The following MALRD1 variants were observed in gnomAD, a reference collection of about 807,000 sequenced individuals.
The protein encoded by MALRD1 is MAM and LDL-receptor class A domain-containing protein 1.
In MALRD1, 247 loss-of-function variants were observed where a neutral mutation model predicts 242.1. That is an observed-to-expected ratio of 1.02 (90% confidence interval 0.92 to 1.13). The LOEUF (loss-of-function observed/expected upper bound fraction) is 1.13, where lower values mean the gene tolerates loss of function less well. MALRD1 is among the 50% of genes most tolerant of loss of function. The probability of loss-of-function intolerance (pLI) is 0.00; values close to 1 mark genes in which losing one functional copy is unlikely to be tolerated. For synonymous variants in MALRD1, 995 were observed against 866.6 expected, an observed-to-expected ratio of 1.15 and a Z score of -2.60; for missense variants, 2,989 against 2,533.1, an observed-to-expected ratio of 1.18 and a Z score of -3.86.
intron 5 of MALRD1, among the ~76,000 whole-genome samples, chr10:19,118,166 A>C (rs186170351): frequency 6.6e-6 from 1 of 152,204 alleles, no homozygotes; most frequent in Non-Finnish European, 1.5e-5. Context: ...CACCTGAGAA[A>C]AATAGCCAAA....
intron 32 of MALRD1, among the ~76,000 whole-genome samples, chr10:19,566,362 A>G (rs568205330): frequency 7.0e-6 from 1 of 142,960 alleles, no homozygotes; most frequent in African/African-American, 2.6e-5. Context: ...GATGGTCTCA[A>G]TCTCCTGACC....
intron 22 of MALRD1, among the ~76,000 whole-genome samples, chr10:19,326,098 T>C (rs1030622435): frequency 6.6e-6 from 1 of 152,168 alleles, no homozygotes; most frequent in African/African-American, 2.4e-5. Flanking sequence ...TTTGTGTGTA[T>C]ACACGCATGG....
At chr10:19,363,361 G>A (rs564894375) in intron 26 of MALRD1, among the ~76,000 whole-genome samples, 1 of 152,230 alleles carries the variant, frequency 6.6e-6, no homozygotes, top group Non-Finnish European at 1.5e-5. Context: ...AGACCAGAGT[G>A]AAAGGAAGAC....
chr10:19,463,538 C>T (rs535132181), intron 29 of MALRD1, among the ~76,000 whole-genome samples: 76 of 147,882 alleles, frequency 5.1e-4, no homozygotes, highest in African/African-American at 1.9e-3. Context: ...AATTCGTTCC[C>T]TTTCGTGGCT....
chr10:19,064,955 A>G (rs1198922747), intron 1 of MALRD1, among the ~76,000 whole-genome samples: 1 of 149,176 alleles, frequency 6.7e-6, no homozygotes. Flanking sequence ...CAAATTAAGG[A>G]GCAGATTAAT....
chr10:19,285,498 A>G (rs1167293111), intron 21 of MALRD1, among the ~76,000 whole-genome samples: 5 of 151,792 alleles, frequency 3.3e-5, no homozygotes, highest in African/African-American at 1.2e-4. Context: ...AGCACCATTT[A>G]TTAACTAGGG....
At chr10:19,604,582 A>C (rs1838518048) in intron 34 of MALRD1, among the ~76,000 whole-genome samples, 1 of 152,190 alleles carries the variant, frequency 6.6e-6, no homozygotes, top group Non-Finnish European at 1.5e-5. Context: ...GAGAAGCTGT[A>C]CCAAGTTATC....
intron 12 of MALRD1, among the ~76,000 whole-genome samples, chr10:19,158,484 T>C (rs1287936438): frequency 6.6e-6 from 1 of 152,212 alleles, no homozygotes; most frequent in Non-Finnish European, 1.5e-5. Flanking sequence ...AGGGCCAGCC[T>C]ACATATTTGA....
At chr10:19,605,411 G>C (rs1395144977) in intron 34 of MALRD1, among the ~76,000 whole-genome samples, 1 of 150,798 alleles carries the variant, frequency 6.6e-6, no homozygotes, top group Non-Finnish European at 1.5e-5. Flanking sequence ...CATGTGATCT[G>C]CCCACCTCGG....
intron 5 of MALRD1, among the ~76,000 whole-genome samples, chr10:19,118,831 G>T (rs1356828678): frequency 6.6e-6 from 1 of 152,104 alleles, no homozygotes; most frequent in Non-Finnish European, 1.5e-5. Context: ...TAAATGCAGA[G>T]GCCTTGAGGA....
chr10:19,203,597 G>T, intron 14 of MALRD1, 131 bp from the exon 15 acceptor site: 1 of 845,126 alleles, frequency 1.2e-6, no homozygotes, highest in Non-Finnish European at 1.7e-6. Context: ...TTTATTTTCT[G>T]AAATGTGTCC....
chr10:19,436,106 A>G (rs1377323569), intron 28 of MALRD1, among the ~76,000 whole-genome samples: 1 of 152,112 alleles, frequency 6.6e-6, no homozygotes, highest in East Asian at 1.9e-4. Context: ...CTTCAGCCCT[A>G]CAAGATGTCC....
At chr10:19,101,825 A>C (rs111208128) in intron 4 of MALRD1, among the ~76,000 whole-genome samples, 2 of 136,082 alleles carry the variant, frequency 1.5e-5, no homozygotes, top group South Asian at 2.3e-4. Context: ...TAATATATAA[A>C]TATGTTATAT....
At chr10:19,076,284 CT>C (rs370226056) in intron 2 of MALRD1, among the ~76,000 whole-genome samples, 2 of 147,010 alleles carry the variant, frequency 1.4e-5, no homozygotes, top group East Asian at 2.0e-4. Context: ...TATCTATCAT[CT>C]ATCTATCTAC....
At chr10:19,373,078 A>T (rs1158441418) in intron 26 of MALRD1, among the ~76,000 whole-genome samples, 1 of 151,912 alleles carries the variant, frequency 6.6e-6, no homozygotes. Flanking sequence ...GAAAGTGTGA[A>T]TTTACACTTT....
chr10:19,325,994 A>G (rs1195780152), intron 22 of MALRD1, among the ~76,000 whole-genome samples: 2 of 151,844 alleles, frequency 1.3e-5, no homozygotes, highest in African/African-American at 4.8e-5. Context: ...TGAGATAAAC[A>G]TAGTTTCTTT....
At chr10:19,140,976 T>C (rs1833520441) in intron 10 of MALRD1, among the ~76,000 whole-genome samples, 1 of 152,160 alleles carries the variant, frequency 6.6e-6, no homozygotes, top group South Asian at 2.1e-4. Context: ...TATGATGAAA[T>C]GATGCTAATT....
At chr10:19,297,388 A>T (rs1309884948) in intron 21 of MALRD1, among the ~76,000 whole-genome samples, 2 of 151,786 alleles carry the variant, frequency 1.3e-5, no homozygotes, top group Non-Finnish European at 2.9e-5. Flanking sequence ...GTATATATAG[A>T]TTGGGTTTTC....
chr10:19,130,474 T>A (rs1403670271), intron 8 of MALRD1, among the ~76,000 whole-genome samples: 3 of 152,128 alleles, frequency 2.0e-5, no homozygotes, highest in Non-Finnish European at 4.4e-5. Context: ...TGTGGACCTA[T>A]GGTAATGCTT....
Sources: allele counts gnomAD v4.1 joint callset (sites outside exome capture counted in the v4.1 genomes callset), GRCh38; gene constraint gnomAD v4.1.1; transcripts MANE v1.5; gene names NCBI Gene and HGNC (gene_info 2026-07-23, HGNC 2026-07-21).